TEX9: variants seen among roughly 807,000 people sequenced by gnomAD.
TEX9 encodes the protein testis expressed 9, also known as testis-expressed protein 9.
In TEX9, 74 loss-of-function variants were observed where a neutral mutation model predicts 59.6. The observed-to-expected ratio is 1.24, with a 90% CI of 1.03 to 1.51. The LOEUF is 1.51. Among genes scored for constraint, TEX9 ranks in the 40% most tolerant of loss-of-function variants. The pLI is 0.00. For missense variants in TEX9, 522 were observed against 447.8 expected, an observed-to-expected ratio of 1.17 and a Z score of -1.49; for synonymous variants, 186 against 152.2, an observed-to-expected ratio of 1.22 and a Z score of -1.64.
intron 9 of TEX9, among the ~76,000 whole-genome samples, chr15:56,404,319 C>A (rs145080249): frequency 0.3 from 45,378 of 151,964 alleles, 7,674 homozygotes; most frequent in Middle Eastern, 0.47. Context: ...AAAAAGTGGG[C>A]AAAGGATATG....
At chr15:56,254,589 A>G (rs764675773) in intron 1 of TEX9, among the ~76,000 whole-genome samples, 1 of 151,548 alleles carries the variant, frequency 6.6e-6, no homozygotes, top group Non-Finnish European at 1.5e-5. Context: ...CACATCAAGC[A>G]GAAGGAGAGA....
intron 12 of TEX9, among the ~76,000 whole-genome samples, chr15:56,445,174 T>C (rs992641043): frequency 6.6e-6 from 1 of 152,022 alleles, no homozygotes; most frequent in Non-Finnish European, 1.5e-5. Context: ...CATTGGCCCT[T>C]GACGTTTCCC....
chr15:56,348,286 C>T (rs1030681969), intron 1 of TEX9, among the ~76,000 whole-genome samples: 5 of 152,100 alleles, frequency 3.3e-5, no homozygotes, highest in Admixed American at 1.3e-4. Context: ...TGAAGTACTC[C>T]TTCTCCTGGA....
chr15:56,365,295 G>A (rs914335851), upstream of TEX9: 10 of 1,002,202 alleles, frequency 1.0e-5, no homozygotes, highest in Admixed American at 1.8e-4. Flanking sequence ...AGTGCTGCGA[G>A]CAAAGGCCGA....
chr15:56,447,326 T>C (rs1424680907), downstream of TEX9: 6 of 158,038 alleles, frequency 3.8e-5, no homozygotes, highest in Non-Finnish European at 7.0e-5. Flanking sequence ...AGAATCAGCT[T>C]GTCAGACTTC....
intron 1 of TEX9, among the ~76,000 whole-genome samples, chr15:56,283,381 TA>T (rs2044866230): frequency 6.6e-6 from 1 of 152,186 alleles, no homozygotes; most frequent in South Asian, 2.1e-4. Context: ...ATCTACTAGA[TA>T]TTAAAGCATA....
At chr15:56,307,436 G>C (rs1016166296) in intron 1 of TEX9, among the ~76,000 whole-genome samples, 2 of 152,130 alleles carry the variant, frequency 1.3e-5, no homozygotes, top group Non-Finnish European at 2.9e-5. Context: ...CCACTGCCAG[G>C]ACTGACGAGA....
At chr15:56,252,337 G>C (rs2044041294) in intron 1 of TEX9, among the ~76,000 whole-genome samples, 1 of 146,436 alleles carries the variant, frequency 6.8e-6, no homozygotes, top group Non-Finnish European at 1.5e-5. Context: ...CCACAAAGTA[G>C]CCAAACAATG....
upstream of TEX9, among the ~76,000 whole-genome samples, chr15:56,362,078 G>A (rs1411339620): frequency 1.3e-5 from 2 of 152,122 alleles, no homozygotes; most frequent in Non-Finnish European, 2.9e-5. Flanking sequence ...GCTAGAATGT[G>A]TTCTAGCTTG....
intron 3 of TEX9, among the ~76,000 whole-genome samples, chr15:56,381,201 G>T (rs906522316): frequency 1.3e-5 from 2 of 152,032 alleles, no homozygotes; most frequent in Admixed American, 6.5e-5. Context: ...CTCTGATGCA[G>T]CCTTCAGTAT....
intron 6 of TEX9, 50 bp downstream of exon 6, chr15:56,389,450 C>T: frequency 1.6e-6 from 2 of 1,286,502 alleles, no homozygotes; most frequent in South Asian, 2.6e-5. Context: ...TTGTAATTCA[C>T]AATACCATCA....
intron 12 of TEX9, chr15:56,431,522 T>A (rs377589964): frequency 5.0e-6 from 8 of 1,612,848 alleles, no homozygotes; most frequent in Non-Finnish European, 5.1e-6. Context: ...TCAAATTTTG[T>A]TATCACAAAG....
At chr15:56,283,047 G>T (rs1404600517) in intron 1 of TEX9, among the ~76,000 whole-genome samples, 1 of 77,622 alleles carries the variant, frequency 1.3e-5, no homozygotes, top group African/African-American at 5.1e-5. Context: ...TGTACATTGT[G>T]TGGTGTGTGT....
At chr15:56,399,012 C>G (rs1239239206) in intron 9 of TEX9, among the ~76,000 whole-genome samples, 1 of 152,162 alleles carries the variant, frequency 6.6e-6, no homozygotes, top group African/African-American at 2.4e-5. Context: ...CAAATAGGAA[C>G]AGCTCTGGTC....
chr15:56,325,139 G>A (rs1399547078), intron 1 of TEX9, among the ~76,000 whole-genome samples: 1 of 152,160 alleles, frequency 6.6e-6, no homozygotes, highest in Non-Finnish European at 1.5e-5. Context: ...CTTTTTCTGT[G>A]TAGCATTGAT....
At chr15:56,285,740 A>G (rs77137855) in intron 1 of TEX9, among the ~76,000 whole-genome samples, 2,975 of 152,322 alleles carry the variant, frequency 0.02, 95 homozygotes, top group African/African-American at 0.066. Flanking sequence ...TTTGCCTGCC[A>G]TGGCACAAAG....
chr15:56,278,076 C>G (rs913438002), intron 1 of TEX9, among the ~76,000 whole-genome samples: 2 of 152,010 alleles, frequency 1.3e-5, no homozygotes. Flanking sequence ...GATTCTGGTA[C>G]TGCATTAAAA....
intron 1 of TEX9, among the ~76,000 whole-genome samples, chr15:56,358,474 A>G (rs1164416356): frequency 2.0e-5 from 3 of 151,974 alleles, no homozygotes; most frequent in Non-Finnish European, 4.4e-5. Context: ...GAAGTTTTAC[A>G]TTTGCAGAAA....
chr15:56,339,668 G>A (rs746425911), intron 1 of TEX9, among the ~76,000 whole-genome samples: 4 of 152,058 alleles, frequency 2.6e-5, no homozygotes, highest in Non-Finnish European at 4.4e-5. Flanking sequence ...TAGACTGAAT[G>A]CTTACGTCCC....
Sources: gnomAD v4.1 joint callset for allele counts (sites outside exome capture counted in the v4.1 genomes callset) on GRCh38, gnomAD v4.1.1 for gene constraint, MANE v1.5 for transcripts, NCBI Gene and HGNC (gene_info 2026-07-23, HGNC 2026-07-21) for gene names.